PPP2R2B: variants seen among roughly 807,000 people sequenced by gnomAD.
PPP2R2B encodes protein phosphatase 2 regulatory subunit Bbeta, also known as serine/threonine-protein phosphatase 2A 55 kDa regulatory subunit B beta isoform.
In PPP2R2B, 5 loss-of-function variants were observed where a neutral mutation model predicts 46.0. That is an observed-to-expected ratio of 0.11 (90% confidence interval 0.06 to 0.23). The LOEUF is 0.23. Ranked by LOEUF, PPP2R2B falls within the 10% of genes least tolerant of loss-of-function variation. The probability of loss-of-function intolerance (pLI) is 1.00; values close to 1 mark genes in which losing one functional copy is unlikely to be tolerated. For missense variants in PPP2R2B, 367 were observed against 575.0 expected (o/e 0.64, Z 3.70); for synonymous variants, 215 against 206.7 (o/e 1.04, Z -0.34).
At chr5:146,957,018 A>T (rs1422330363) in intron 1 of PPP2R2B, among the ~76,000 whole-genome samples, 1 of 152,216 alleles carries the variant, frequency 6.6e-6, no homozygotes, top group Non-Finnish European at 1.5e-5. Flanking sequence ...ATACATAAAC[A>T]TTCAGTCTAT....
At position 147,029,903 on chromosome 5, in the gene PPP2R2B, T is replaced by A. The variant is rs60219413; in HGVS notation, c.79+25762A>T. Among the ~76,000 whole-genome samples, 1,480 of 151,560 alleles carry A rather than the reference T, an allele frequency of 9.8e-3. 25 individuals carry two copies. Among genetic ancestry groups the A allele is most frequent in the African/African-American group, 0.033 (1,353 of 41,510 alleles). Reference sequence around the variant, plus strand: ...TGTTGAAGCTACCCAGTCTCTGATATTCTGTTATGGCAGCCCCAGCTGACT... The same window carrying A: ...TGTTGAAGCTACCCAGTCTCTGATAATCTGTTATGGCAGCCCCAGCTGACT... On this transcript the variant is annotated intron_variant, in intron 1 of 8. Coordinates refer to the PPP2R2B transcript ENST00000336640.
chr5:146,980,653 CTTG>C (rs1753126686), intron 1 of PPP2R2B, among the ~76,000 whole-genome samples: 1 of 151,972 alleles, frequency 6.6e-6, no homozygotes, highest in African/African-American at 2.4e-5. Flanking sequence ...ATTAATCTCT[CTTG>C]TTTTTTTATG....
intron 7 of PPP2R2B, among the ~76,000 whole-genome samples, chr5:146,637,658 A>C (rs1430583457): frequency 6.6e-6 from 1 of 152,162 alleles, no homozygotes; most frequent in Non-Finnish European, 1.5e-5. Flanking sequence ...GGTTTTAAAA[A>C]TCATGGTCAT....
intron 2 of PPP2R2B, among the ~76,000 whole-genome samples, chr5:146,869,799 T>A (rs1761509801): frequency 6.6e-6 from 1 of 152,174 alleles, no homozygotes; most frequent in South Asian, 2.1e-4. Flanking sequence ...GAGGGAAATG[T>A]GAATTATAAT....
rs927401056 is a variant in PPP2R2B, at chr5:146,588,858, C to T, written c.*1089G>A. On this transcript the variant is annotated 3_prime_UTR_variant, in exon 10 of 10. Transcript: ENST00000394411. The stretch of plus-strand genomic sequence containing the variant: ...TGCCTGATTGGACTTCACAACTCAG[C>T]GTTTTTATTGGCTATTTTTGTTCTA... 1.3e-5 allele frequency: 2 copies of T among 152,024 alleles called. No homozygotes were observed. Among genetic ancestry groups the T allele is most frequent in the African/African-American group, 4.8e-5 (2 of 41,376 alleles). 9.4% of individuals were successfully genotyped at this position (152,024 alleles called of 1,614,324 possible). A position where few individuals can be genotyped will look rare whatever the true frequency, so the allele number is the denominator to read the frequency against.
At chr5:146,827,823 C>T (rs778603126) in intron 2 of PPP2R2B, among the ~76,000 whole-genome samples, 74 of 152,028 alleles carry the variant, frequency 4.9e-4, no homozygotes, top group Non-Finnish European at 6.9e-4. Context: ...TTAATTCTGT[C>T]GGTAAATACT....
chr5:146,607,519 T>C (rs571314340), intron 7 of PPP2R2B, among the ~76,000 whole-genome samples: 1 of 152,354 alleles, frequency 6.6e-6, no homozygotes, highest in East Asian at 1.9e-4. Context: ...ATACAATGCA[T>C]AGCGTGATGA....
intron 6 of PPP2R2B, among the ~76,000 whole-genome samples, chr5:146,647,746 G>T (rs971698046): frequency 6.6e-6 from 1 of 152,156 alleles, no homozygotes; most frequent in South Asian, 2.1e-4. Context: ...GGAAGCAGAA[G>T]CTCAGAGTGA....
intron 4 of PPP2R2B, among the ~76,000 whole-genome samples, chr5:146,692,295 G>C (rs1424888653): frequency 6.6e-6 from 1 of 152,074 alleles, no homozygotes; most frequent in Non-Finnish European, 1.5e-5. Flanking sequence ...TGCCTCTATG[G>C]AGTCTCCAGC....
chr5:146,786,663 TC>T (rs1350237142), intron 2 of PPP2R2B, among the ~76,000 whole-genome samples: 1 of 152,184 alleles, frequency 6.6e-6, no homozygotes, highest in East Asian at 1.9e-4. Context: ...TATTAATCCT[TC>T]TTGGTATCAT....
At chr5:146,697,314 G>A (rs941431245) in intron 4 of PPP2R2B, among the ~76,000 whole-genome samples, 3 of 152,162 alleles carry the variant, frequency 2.0e-5, no homozygotes, top group African/African-American at 4.8e-5. Flanking sequence ...AGAACCTGGA[G>A]GTTAGGTAAT....
rs149430113 is a variant in PPP2R2B at position 146,592,989 on chromosome 5, A to G, written c.1034T>C (p.Val345Ala). 6.2e-7 allele frequency: 1 copy of G among 1,613,412 alleles called. No homozygotes were observed. The highest frequency in any genetic ancestry group is 8.5e-7 in the Non-Finnish European group (1 of 1,179,326). Reference sequence around the variant, plus strand: ...TTCTTACCTGTCTGACCCATTCCACACACACTCAAATTTATCAAAAATGCA... The same window carrying G: ...TTCTTACCTGTCTGACCCATTCCACGCACACTCAAATTTATCAAAAATGCA... ...NDCIFDKFEC[V>A]WNGSDSVIMT... Residue 345 changes from valine (V) to alanine (A), a missense_variant, in exon 9 of 10, where the codon GTG becomes GCG. Coordinates refer to ENST00000394411, the MANE Select transcript of PPP2R2B (RefSeq NM_181675.4).
chr5:146,674,955 A>ATAT (rs1777608551), intron 5 of PPP2R2B, among the ~76,000 whole-genome samples: 2 of 151,966 alleles, frequency 1.3e-5, no homozygotes, highest in African/African-American at 4.8e-5. Flanking sequence ...TGGTGGTATT[A>ATAT]TATTATTATT....
In PPP2R2B at chr5:146,584,357, G is replaced by A. The variant is rs1350907033; in HGVS notation, c.*5590C>T. 1 of 152,212 alleles carries A rather than the reference G, an allele frequency of 6.6e-6. No homozygotes were observed. The highest frequency in any genetic ancestry group is 1.9e-4 in the East Asian group (1 of 5,206). The allele number at this position is 152,212 out of a possible 1,614,324, so 9.4% of individuals were successfully genotyped here. ...TGTGAGCCACTTGACTTCACTCTCT[G>A]CTTTGATGACAGACCAAATTTGTAT... On this transcript the variant is annotated 3_prime_UTR_variant, in exon 10 of 10. Coordinates refer to ENST00000394411, the MANE Select transcript of PPP2R2B (RefSeq NM_181675.4).
In PPP2R2B at chr5:146,681,396, G is replaced by A. The variant is rs376080229; in HGVS notation, c.447+9732C>T. ...TTGTATGCCATGTACATGCCTGCACGCACCCACACATGCACGTGTAGTTTC... is the reference window on the plus strand; with the variant it reads ...TTGTATGCCATGTACATGCCTGCACACACCCACACATGCACGTGTAGTTTC... On this transcript the variant is annotated intron_variant, in intron 5 of 9. Coordinates refer to ENST00000394411, the MANE Select transcript of PPP2R2B (RefSeq NM_181675.4). Among the ~76,000 whole-genome samples, 15 of 152,228 alleles carry A rather than the reference G, an allele frequency of 9.9e-5. No homozygotes were observed. The South Asian group carries it at 3.1e-3, about 32-fold the overall frequency.
intron 4 of PPP2R2B, among the ~76,000 whole-genome samples, chr5:146,693,980 C>CT (rs1261393375): frequency 6.6e-6 from 1 of 152,214 alleles, no homozygotes; most frequent in Non-Finnish European, 1.5e-5. Flanking sequence ...CATTCCTCCA[C>CT]TTCTCCTCAC....
In PPP2R2B at chr5:146,587,630, CT is replaced by C. The variant is rs1277858114; in HGVS notation, c.*2316del. 2.0e-5 allele frequency: 3 copies of C among 152,178 alleles called. No homozygotes were observed. The highest frequency in any genetic ancestry group is 4.4e-5 in the Non-Finnish European group (3 of 68,042). 9.4% of individuals were successfully genotyped at this position (152,178 alleles called of 1,614,324 possible). Reference sequence around the variant, plus strand: ...TGATGCCCCTAAGGGCATAAATCTTCTGTCATATCAGTTACTCAGGGTCCCA... The same window carrying C: ...TGATGCCCCTAAGGGCATAAATCTTCGTCATATCAGTTACTCAGGGTCCCA... On this transcript the variant is annotated 3_prime_UTR_variant, in exon 10 of 10. Transcript: ENST00000394411.
chr5:147,000,153 T>G (rs1346570414), intron 1 of PPP2R2B, among the ~76,000 whole-genome samples: 1 of 152,248 alleles, frequency 6.6e-6, no homozygotes, highest in African/African-American at 2.4e-5. Context: ...TTTGACATTC[T>G]ATTTATCACA....
At chr5:146,912,707 C>T (rs182473489) in intron 1 of PPP2R2B, among the ~76,000 whole-genome samples, 71 of 151,904 alleles carry the variant, frequency 4.7e-4, no homozygotes, top group African/African-American at 1.5e-3. Flanking sequence ...CGGGGTTTCA[C>T]AATATTGGTC....
Sources: allele counts gnomAD v4.1 joint callset (sites outside exome capture counted in the v4.1 genomes callset), GRCh38; gene constraint gnomAD v4.1.1; transcripts MANE v1.5; gene names NCBI Gene and HGNC (gene_info 2026-07-23, HGNC 2026-07-21).